The following TNIK variants were observed in gnomAD, a reference collection of about 807,000 sequenced individuals.
TNIK encodes TRAF2 and NCK interacting kinase.
TNIK carries 49 observed loss-of-function variants against 191.3 expected under a neutral mutation model. That is an observed-to-expected ratio of 0.26 (90% CI 0.20 to 0.32). The LOEUF (loss-of-function observed/expected upper bound fraction) is 0.32, where lower values mean the gene tolerates loss of function less well. TNIK is among the 10% of genes least tolerant of loss of function. The pLI is 1.00. For missense variants in TNIK, 1,155 were observed against 1,702.3 expected (o/e 0.68, Z 5.66); for synonymous variants, 594 against 600.9 (o/e 0.99, Z 0.17).
chr3:171,347,241 A>G (rs1167296691), intron 2 of TNIK: 26 of 1,525,140 alleles, frequency 1.7e-5, no homozygotes, highest in Non-Finnish European at 1.9e-5. Context: ...AAAAAAGAAA[A>G]GAAAAATGAC....
intron 1 of TNIK, among the ~76,000 whole-genome samples, chr3:171,452,567 C>T (rs972449374): frequency 6.6e-6 from 1 of 152,072 alleles, no homozygotes; most frequent in Admixed American, 6.6e-5. Flanking sequence ...CTCCCAAACT[C>T]TCTCTACCCG....
At position 171,085,135 on chromosome 3, in the gene TNIK, T is replaced by C; in HGVS notation, c.2981A>G (p.Glu994Gly). ...TTGCTTACCTGCGGCTGATGATTCCTCATCCTCTTCATCTTCATCAGTGGG... is the reference window on the plus strand; with the variant it reads ...TTGCTTACCTGCGGCTGATGATTCCCCATCCTCTTCATCTTCATCAGTGGG... ...TSPTDEDEED[E>G]ESSAAALFTS... The change falls in exon 25 of 33, where the codon GAG (glutamate) becomes GGG (glycine). Residue 994 changes from glutamate (E) to glycine (G), a missense_variant. Coordinates refer to ENST00000436636, the MANE Select transcript of TNIK (RefSeq NM_015028.4). 1.2e-6 allele frequency: 2 copies of C among 1,609,894 alleles called. No individual in the cohort carries two copies. The highest frequency in any genetic ancestry group is 1.1e-5 in the South Asian group (1 of 89,742).
chr3:171,334,232 C>A (rs1357021473), intron 2 of TNIK, among the ~76,000 whole-genome samples: 1 of 152,124 alleles, frequency 6.6e-6, no homozygotes, highest in African/African-American at 2.4e-5. Flanking sequence ...GGAAAATCAC[C>A]CAAGTAGCCT....
At chr3:171,427,468 C>A (rs563205559) in intron 1 of TNIK, among the ~76,000 whole-genome samples, 2 of 152,084 alleles carry the variant, frequency 1.3e-5, no homozygotes, top group Non-Finnish European at 2.9e-5. Flanking sequence ...TAACCATGTG[C>A]CCAATGCTCA....
chr3:171,119,018 A>G (rs1243729533), intron 18 of TNIK, among the ~76,000 whole-genome samples: 1 of 152,074 alleles, frequency 6.6e-6, no homozygotes, highest in Non-Finnish European at 1.5e-5. Flanking sequence ...AGTGAACAGA[A>G]TGGGAGAAAA....
At chr3:171,382,264 A>T (rs1187745749) in intron 1 of TNIK, among the ~76,000 whole-genome samples, 1 of 126,050 alleles carries the variant, frequency 7.9e-6, no homozygotes, top group Non-Finnish European at 1.6e-5. Flanking sequence ...TCTGTCAGCC[A>T]GGCTGGAGGG....
At chr3:171,316,190 T>C (rs1263421285) in intron 2 of TNIK, among the ~76,000 whole-genome samples, 1 of 152,084 alleles carries the variant, frequency 6.6e-6, no homozygotes, top group Non-Finnish European at 1.5e-5. Flanking sequence ...CATTTTCTGC[T>C]TCCCATTACA....
chr3:171,172,510 G>T (rs1274796575), intron 9 of TNIK, among the ~76,000 whole-genome samples: 1 of 152,056 alleles, frequency 6.6e-6, no homozygotes, highest in South Asian at 2.1e-4. Flanking sequence ...TTGGACCTGC[G>T]CTTTCAAGAT....
intron 2 of TNIK, among the ~76,000 whole-genome samples, chr3:171,356,616 A>G (rs551600809): frequency 6.6e-5 from 10 of 152,300 alleles, no homozygotes; most frequent in Middle Eastern, 3.4e-3. Context: ...GGCAAAACCA[A>G]TCTTTGCCAA....
intron 2 of TNIK, among the ~76,000 whole-genome samples, chr3:171,327,655 CCA>C (rs368683413): frequency 4.3e-4 from 66 of 152,110 alleles, no homozygotes; most frequent in African/African-American, 1.5e-3. Context: ...CAGGAGAAAG[CCA>C]CAGACCACAA....
At chr3:171,458,804 AC>A (rs1729064963) in intron 1 of TNIK, among the ~76,000 whole-genome samples, 1 of 152,124 alleles carries the variant, frequency 6.6e-6, no homozygotes, top group Admixed American at 6.5e-5. Flanking sequence ...CACCCTCCAT[AC>A]ATCAAGTATA....
At chr3:171,291,482 C>T (rs576313171) in intron 2 of TNIK, among the ~76,000 whole-genome samples, 27 of 152,120 alleles carry the variant, frequency 1.8e-4, no homozygotes, top group Non-Finnish European at 3.4e-4. Flanking sequence ...CCTCTATTCT[C>T]AAAGGACATT....
rs535217807 is a variant in TNIK, at chr3:171,415,259, CCTA to C, written c.57+44745_57+44747del. Among the ~76,000 whole-genome samples the C allele has an allele frequency of 2.6e-5, 4 of 152,248 alleles. No homozygotes were observed. In the South Asian group the frequency reaches 8.3e-4, roughly 32 times the overall value. ...CCAGACGCACTCTGCAACCACTTTC[CCTA>C]CTGTTTCATCATAGCACTTAACCAC... On this transcript the variant is annotated intron_variant, in intron 1 of 32. Coordinates refer to ENST00000436636, the MANE Select transcript of TNIK (RefSeq NM_015028.4).
At chr3:171,220,547 G>C (rs769443131) in intron 3 of TNIK, among the ~76,000 whole-genome samples, 7 of 152,160 alleles carry the variant, frequency 4.6e-5, no homozygotes, top group Non-Finnish European at 7.4e-5. Flanking sequence ...GAGGTGGGAA[G>C]TGTTGGCAGC....
intron 2 of TNIK, among the ~76,000 whole-genome samples, chr3:171,356,922 A>G (rs1420551182): frequency 6.6e-6 from 1 of 152,176 alleles, no homozygotes; most frequent in Non-Finnish European, 1.5e-5. Context: ...GTTTAACTCT[A>G]CAGTCCCAAA....
intron 5 of TNIK, 117 bp downstream of exon 5, chr3:171,194,408 G>GT (rs1393353445): frequency 3.9e-5 from 36 of 912,544 alleles, no homozygotes; most frequent in Non-Finnish European, 5.3e-5. Flanking sequence ...CTTTTAAAGG[G>GT]TTTTTGATAT....
intron 3 of TNIK, among the ~76,000 whole-genome samples, chr3:171,213,531 G>A (rs1441418130): frequency 6.6e-6 from 1 of 152,006 alleles, no homozygotes. Context: ...ACAGGGGAGG[G>A]GGGGACTGCC....
intron 2 of TNIK, among the ~76,000 whole-genome samples, chr3:171,231,000 G>A (rs990746481): frequency 1.8e-4 from 27 of 152,210 alleles, no homozygotes; most frequent in African/African-American, 6.5e-4. Flanking sequence ...AGGCATGTCT[G>A]CCAGCATGCA....
chr3:171,441,772 T>G (rs902151510), intron 1 of TNIK, among the ~76,000 whole-genome samples: 2 of 152,208 alleles, frequency 1.3e-5, no homozygotes, highest in African/African-American at 4.8e-5. Flanking sequence ...CCACCGGCAA[T>G]GTATGAGAGT....
Sources: allele counts gnomAD v4.1 joint callset (sites outside exome capture counted in the v4.1 genomes callset), GRCh38; gene constraint gnomAD v4.1.1; transcripts MANE v1.5; gene names NCBI Gene and HGNC (gene_info 2026-07-23, HGNC 2026-07-21).